The following SLC44A5 variants were observed in gnomAD, a reference collection of about 807,000 sequenced individuals.
SLC44A5 encodes choline transporter-like protein 5.
A neutral mutation model predicts 101.8 loss-of-function variants in SLC44A5; 57 were observed. The observed-to-expected ratio is 0.56, with a 90% CI of 0.45 to 0.70. The LOEUF (loss-of-function observed/expected upper bound fraction) is 0.70. Ranked by LOEUF, SLC44A5 falls within the 30% of genes least tolerant of loss-of-function variation. The pLI is 0.00. For missense variants in SLC44A5, 737 were observed against 853.1 expected, an observed-to-expected ratio of 0.86 and a Z score of 1.70; for synonymous variants, 281 against 290.9, an observed-to-expected ratio of 0.97 and a Z score of 0.35.
the SLC44A5 span, among the ~76,000 whole-genome samples, chr1:75,706,713 G>A: frequency 1.3e-5 from 2 of 152,076 alleles, no homozygotes; most frequent in East Asian, 3.9e-4. Context: ...AGGCAATTTT[G>A]TGATGAGTGA....
upstream of SLC44A5, chr1:75,615,723 C>G (rs1453838556): frequency 6.1e-6 from 3 of 488,434 alleles, no homozygotes; most frequent in Non-Finnish European, 8.0e-6. Flanking sequence ...ACCCCCTCCC[C>G]GGACACGGCA....
intron 2 of SLC44A5, among the ~76,000 whole-genome samples, chr1:75,525,133 C>T (rs1193945489): frequency 3.3e-5 from 5 of 152,060 alleles, no homozygotes; most frequent in African/African-American, 1.2e-4. Flanking sequence ...ATCGTCAATG[C>T]ATTTTAAAAT....
At chr1:75,408,476 A>G (rs1663050824) in intron 2 of SLC44A5, among the ~76,000 whole-genome samples, 1 of 152,206 alleles carries the variant, frequency 6.6e-6, no homozygotes, top group Admixed American at 6.6e-5. Context: ...ATGCCCATCA[A>G]TGATAGACTA....
intron 4 of SLC44A5, among the ~76,000 whole-genome samples, chr1:75,328,951 T>A (rs542827510): frequency 2.2e-4 from 34 of 152,230 alleles, no homozygotes; most frequent in African/African-American, 7.5e-4. Context: ...CCAGACAATA[T>A]CTGCCAGAGC....
At chr1:75,632,393 G>C in the SLC44A5 span, among the ~76,000 whole-genome samples, 1 of 143,300 alleles carries the variant, frequency 7.0e-6, no homozygotes, top group South Asian at 2.2e-4. Context: ...TTTTTTTTTT[G>C]CTTGTGTTGT....
intron 2 of SLC44A5, among the ~76,000 whole-genome samples, chr1:75,537,025 A>AG (rs1437539277): frequency 3.6e-5 from 1 of 27,610 alleles, no homozygotes; most frequent in Non-Finnish European, 2.0e-4. Context: ...AAAAAAAAAA[A>AG]AAAAAAAAAT....
chr1:75,331,153 C>A (rs1263115935), intron 4 of SLC44A5, among the ~76,000 whole-genome samples: 1 of 152,026 alleles, frequency 6.6e-6, no homozygotes, highest in Non-Finnish European at 1.5e-5. Flanking sequence ...AGAAGCTCAG[C>A]TTTAAGTCTT....
intron 2 of SLC44A5, among the ~76,000 whole-genome samples, chr1:75,403,520 A>T (rs1240738387): frequency 6.6e-6 from 1 of 152,164 alleles, no homozygotes; most frequent in African/African-American, 2.4e-5. Context: ...AATCTTTGCT[A>T]TTCTGCAGCC....
chr1:75,253,027 G>T (rs766622851), intron 6 of SLC44A5, among the ~76,000 whole-genome samples: 2 of 152,190 alleles, frequency 1.3e-5, no homozygotes, highest in Non-Finnish European at 2.9e-5. Context: ...GCCTGCCCCA[G>T]TGAGTGTTGA....
chr1:75,335,831 C>T (rs975967930), intron 4 of SLC44A5, among the ~76,000 whole-genome samples: 3 of 152,178 alleles, frequency 2.0e-5, no homozygotes, highest in Non-Finnish European at 4.4e-5. Flanking sequence ...TAGTAGTCTT[C>T]TTTGCTCTGT....
At chr1:75,383,201 G>A (rs1230503392) in intron 3 of SLC44A5, among the ~76,000 whole-genome samples, 12 of 105,686 alleles carry the variant, frequency 1.1e-4, no homozygotes, top group Admixed American at 3.2e-4. Context: ...CTTTGTTCAC[G>A]TGTTTGTCTG....
chr1:75,463,155 C>T (rs1448020807), intron 2 of SLC44A5, among the ~76,000 whole-genome samples: 3 of 152,188 alleles, frequency 2.0e-5, no homozygotes, highest in African/African-American at 7.2e-5. Flanking sequence ...GGCACGGTGG[C>T]TCACGCCTGT....
the SLC44A5 span, among the ~76,000 whole-genome samples, chr1:75,659,489 G>GAAGGAAGAAAGA: frequency 1.6e-5 from 1 of 61,416 alleles, no homozygotes; most frequent in African/African-American, 7.0e-5. Flanking sequence ...AGGAAGGAAG[G>GAAGGAAGAAAGA]AAGGCAGGCA....
the SLC44A5 span, among the ~76,000 whole-genome samples, chr1:75,669,170 C>G: frequency 6.6e-6 from 1 of 151,468 alleles, no homozygotes; most frequent in Non-Finnish European, 1.5e-5. Flanking sequence ...AGCTCATTTT[C>G]TTGAGTTGTT....
intron 2 of SLC44A5, among the ~76,000 whole-genome samples, chr1:75,468,756 G>A (rs528080584): frequency 3.9e-5 from 6 of 152,264 alleles, no homozygotes; most frequent in African/African-American, 1.4e-4. Context: ...CTTAGTATTT[G>A]ACAGCACAAC....
the SLC44A5 span, among the ~76,000 whole-genome samples, chr1:75,667,397 A>G: frequency 1.3e-5 from 2 of 152,304 alleles, no homozygotes; most frequent in South Asian, 4.1e-4. Flanking sequence ...TTCAAGGAGA[A>G]CTACAAACCA....
At chr1:75,362,935 A>G (rs1659601937) in intron 3 of SLC44A5, among the ~76,000 whole-genome samples, 1 of 152,084 alleles carries the variant, frequency 6.6e-6, no homozygotes, top group Admixed American at 6.6e-5. Flanking sequence ...GAAGTCCCAT[A>G]ATATTATTGT....
chr1:75,594,802 A>G (rs1674544805), intron 1 of SLC44A5, among the ~76,000 whole-genome samples: 1 of 151,892 alleles, frequency 6.6e-6, no homozygotes, highest in Admixed American at 6.6e-5. Context: ...TTAGTAAAAA[A>G]GAAAGATTAT....
At chr1:75,235,789 A>G (rs1298614236) in intron 11 of SLC44A5, among the ~76,000 whole-genome samples, 1 of 152,038 alleles carries the variant, frequency 6.6e-6, no homozygotes, top group African/African-American at 2.4e-5. Context: ...TTGTGCTGCT[A>G]CATTCAAGGA....
Sources: allele counts gnomAD v4.1 joint callset (sites outside exome capture counted in the v4.1 genomes callset), GRCh38; gene constraint gnomAD v4.1.1; transcripts MANE v1.5; gene names NCBI Gene and HGNC (gene_info 2026-07-23, HGNC 2026-07-21).